ZNF730: variants seen among roughly 807,000 people sequenced by gnomAD.
ZNF730 encodes zinc finger protein 730, also known as putative zinc finger protein 730.
A neutral mutation model predicts 12.6 loss-of-function variants in ZNF730; 12 were observed. That is an observed-to-expected ratio of 0.95 (90% CI 0.61 to 1.54). The LOEUF is 1.54. Ranked by LOEUF, ZNF730 falls within the 40% of genes most tolerant of loss-of-function variation. The pLI is 0.00. For missense variants in ZNF730, 643 were observed against 583.5 expected, an observed-to-expected ratio of 1.10 and a Z score of -1.05; for synonymous variants, 194 against 195.8, an observed-to-expected ratio of 0.99 and a Z score of 0.08.
At chr19:23,117,289 C>T in intron 1 of ZNF730, 113 bp downstream of exon 1, 1 of 1,583,544 alleles carries the variant, frequency 6.3e-7, no homozygotes, top group South Asian at 1.1e-5. Flanking sequence ...AATCTGCGCC[C>T]AGAGTTCTTG....
At position 23,146,110 on chromosome 19, in the gene ZNF730, A is replaced by T. The variant is rs1568319505; in HGVS notation, c.1066A>T (p.Asn356Tyr). The change falls in exon 4 of 4, where the codon AAT becomes TAT. Residue 356 changes from asparagine (N) to tyrosine (Y), a missense_variant. Physicochemically the swap from Asn to Tyr is moderately radical, Grantham distance 143. Transcript: ENST00000597761. ...AGCTTTTAACCGATCCTCAACCCTT[A>T]ATAGACATAAGATAACTCATACTGG... ...GKAFNRSSTLNRHKITHTGGK... is the reference protein window; with the variant it reads ...GKAFNRSSTLYRHKITHTGGK... 6.2e-7 allele frequency: 1 copy of T among 1,610,104 alleles called. No individual in the cohort carries two copies. Among genetic ancestry groups the T allele is most frequent in the Non-Finnish European group, 8.5e-7 (1 of 1,177,980 alleles).
intron 1 of ZNF730, among the ~76,000 whole-genome samples, chr19:23,075,929 G>T (rs1969851505): frequency 6.6e-6 from 1 of 151,952 alleles, no homozygotes; most frequent in Non-Finnish European, 1.5e-5. Context: ...TTGGGTTTTA[G>T]ATTTTTTAAA....
At chr19:23,143,480 C>A (rs1568318213) in intron 3 of ZNF730, 2 of 151,632 alleles carry the variant, frequency 1.3e-5, no homozygotes. Context: ...TACAAAAATC[C>A]TTTTTTTATG....
rs984181362 is a variant in ZNF730, at chr19:23,093,091, A to G, written c.-94+17704A>G. 6.6e-5 allele frequency among the ~76,000 whole-genome samples: 10 copies of G among 152,080 alleles called. No homozygotes were observed. The East Asian group carries it at 1.2e-3, about 18-fold the overall frequency. On this transcript the variant is annotated intron_variant, in intron 1 of 2. Coordinates refer to the ZNF730 transcript ENST00000593635. ...CTGTAACCTCCGCCTCCCGGGTTCA[A>G]GTGATTCTTCTGCCTCAGCCTCTTA...
At chr19:23,102,084 CAT>C (rs1360494455) in intron 1 of ZNF730, among the ~76,000 whole-genome samples, 5 of 152,194 alleles carry the variant, frequency 3.3e-5, no homozygotes, top group African/African-American at 1.2e-4. Flanking sequence ...GGCCTTGTGA[CAT>C]ATCTCTGCAT....
At chr19:23,081,412 C>T (rs916911751) in intron 1 of ZNF730, among the ~76,000 whole-genome samples, 10 of 151,998 alleles carry the variant, frequency 6.6e-5, no homozygotes, top group African/African-American at 2.4e-4. Context: ...CTCCGCCTCC[C>T]GGGTTCAAGC....
At position 23,085,836 on chromosome 19, in the gene ZNF730, C is replaced by CTTTTTTTTTTT. The variant is rs556123915; in HGVS notation, c.-94+10466_-94+10476dup. Among the ~76,000 whole-genome samples, 118 of 54,858 alleles carry CTTTTTTTTTTT rather than the reference C, an allele frequency of 2.2e-3. 30 individuals carry two copies. Among genetic ancestry groups the CTTTTTTTTTTT allele is most frequent in the African/African-American group, 2.9e-3 (35 of 12,034 alleles). 36.0% of individuals were successfully genotyped at this position (54,858 alleles called of 152,430 possible). On this transcript the variant is annotated intron_variant, in intron 1 of 2. Coordinates refer to the ZNF730 transcript ENST00000593635. ...GACCTATTTCACCCAATTTTTTTTT[C>CTTTTTTTTTTT]TTTTTTTTTTTTTTTTTTTTTTTTT...
intron 1 of ZNF730, among the ~76,000 whole-genome samples, chr19:23,086,218 G>A (rs1031444315): frequency 1.2e-4 from 19 of 152,052 alleles, no homozygotes; most frequent in Admixed American, 1.0e-3. Context: ...GACCTTTGAC[G>A]GATGCATAGT....
At chr19:23,124,241 T>C (rs1037994) in intron 1 of ZNF730, among the ~76,000 whole-genome samples, 2,995 of 152,314 alleles carry the variant, frequency 0.02, 48 homozygotes, top group Non-Finnish European at 0.029. Flanking sequence ...GGGTGCTGCA[T>C]GTTCTACATT....
intron 1 of ZNF730, among the ~76,000 whole-genome samples, chr19:23,130,823 C>A (rs1303647578): frequency 6.6e-6 from 1 of 152,132 alleles, no homozygotes; most frequent in Admixed American, 6.5e-5. Context: ...GCATACAGAA[C>A]CAAATTCTAG....
chr19:23,084,494 T>G (rs1970023214), intron 1 of ZNF730, among the ~76,000 whole-genome samples: 1 of 152,206 alleles, frequency 6.6e-6, no homozygotes, highest in African/African-American at 2.4e-5. Context: ...TAAAAAAACT[T>G]AAGTTCAGGG....
intron 1 of ZNF730, chr19:23,127,784 GTCTTCCATC>G: frequency 1.3e-6 from 1 of 789,490 alleles, no homozygotes; most frequent in Admixed American, 1.9e-5. Context: ...CATCGTCCAG[GTCTTCCATC>G]CTGGCTGCTC....
At chr19:23,098,376 AG>A (rs2145519361) in intron 1 of ZNF730, 1 of 152,312 alleles carries the variant, frequency 6.6e-6, no homozygotes, top group East Asian at 1.9e-4. Context: ...TCCTGCCAAA[AG>A]GAAAGATTGT....
chr19:23,078,607 A>G (rs2145428009), intron 1 of ZNF730, among the ~76,000 whole-genome samples: 1 of 152,290 alleles, frequency 6.6e-6, no homozygotes, highest in East Asian at 1.9e-4. Context: ...GAGGGAACTC[A>G]GAGACCGGTG....
chr19:23,116,411 T>C (rs1324448099), upstream of ZNF730, among the ~76,000 whole-genome samples: 1 of 151,140 alleles, frequency 6.6e-6, no homozygotes, highest in East Asian at 1.9e-4. Context: ...CCTCCTCCCT[T>C]CCTCCTTTCC....
chr19:23,087,699 TCCA>T (rs1241013070), intron 1 of ZNF730, among the ~76,000 whole-genome samples: 4 of 150,342 alleles, frequency 2.7e-5, no homozygotes, highest in African/African-American at 9.8e-5. Flanking sequence ...CACTGCAGCC[TCCA>T]CCTCTGAGGC....
intron 1 of ZNF730, 85 bp downstream of exon 1, chr19:23,117,261 C>T (rs894113100): frequency 1.2e-6 from 2 of 1,606,200 alleles, no homozygotes; most frequent in South Asian, 1.1e-5. Flanking sequence ...ACCCAGGCCT[C>T]CCCGCAGTCA....
At chr19:23,085,090 G>T (rs376281524) in intron 1 of ZNF730, among the ~76,000 whole-genome samples, 4 of 152,108 alleles carry the variant, frequency 2.6e-5, no homozygotes, top group Admixed American at 6.6e-5. Flanking sequence ...CAGAGTATAA[G>T]CATTTCTTTT....
chr19:23,075,934 T>G (rs1969851695), intron 1 of ZNF730, among the ~76,000 whole-genome samples: 1 of 152,010 alleles, frequency 6.6e-6, no homozygotes, highest in Non-Finnish European at 1.5e-5. Flanking sequence ...TTTTAGATTT[T>G]TTAAATTTAT....
Sources: allele counts gnomAD v4.1 joint callset (sites outside exome capture counted in the v4.1 genomes callset), GRCh38; gene constraint gnomAD v4.1.1; transcripts MANE v1.5; gene names NCBI Gene and HGNC (gene_info 2026-07-23, HGNC 2026-07-21).